Variants in DCDC1 observed in about 807,000 individuals in gnomAD.
DCDC1 encodes the protein doublecortin domain containing 1.
Under a neutral mutation model 178.3 loss-of-function variants are expected in DCDC1, and 200 were observed. The observed-to-expected ratio is 1.12, with a 90% CI of 1.00 to 1.26. The LOEUF is 1.26. DCDC1 is among the 50% of genes most tolerant of loss of function. The pLI is 0.00. For missense variants in DCDC1, 1,983 were observed against 1,749.2 expected (o/e 1.13, Z -2.38); for synonymous variants, 690 against 604.8 (o/e 1.14, Z -2.07).
intron 20 of DCDC1, among the ~76,000 whole-genome samples, chr11:30,988,704 C>T (rs1950799197): frequency 6.6e-6 from 1 of 152,080 alleles, no homozygotes; most frequent in Non-Finnish European, 1.5e-5. Flanking sequence ...CTAATGATAG[C>T]TGATAACTGA....
chr11:31,359,138 T>C (rs1951561776), intron 1 of DCDC1, among the ~76,000 whole-genome samples: 1 of 152,172 alleles, frequency 6.6e-6, no homozygotes, highest in African/African-American at 2.4e-5. Context: ...CGCACACGTA[T>C]GTTTATTGTG....
chr11:31,268,457 A>G (rs1486095627), intron 7 of DCDC1, among the ~76,000 whole-genome samples: 1 of 152,182 alleles, frequency 6.6e-6, no homozygotes, highest in Non-Finnish European at 1.5e-5. Context: ...CCCACTTATA[A>G]GTGAGAACAT....
intron 4 of DCDC1, 128 bp downstream of exon 4, chr11:31,307,507 AAAAC>A: frequency 7.8e-7 from 1 of 1,284,608 alleles, no homozygotes; most frequent in South Asian, 1.5e-5. Context: ...GAAAAAAACA[AAAAC>A]AAAAACAAAA....
chr11:31,193,870 AC>A, intron 9 of DCDC1, among the ~76,000 whole-genome samples: 1 of 152,220 alleles, frequency 6.6e-6, no homozygotes, highest in Non-Finnish European at 1.5e-5. Flanking sequence ...TGGTTCCAGA[AC>A]AAAGAAAAAT....
chr11:30,880,177 G>A (rs186712239), intron 37 of DCDC1, among the ~76,000 whole-genome samples: 2 of 152,238 alleles, frequency 1.3e-5, no homozygotes, highest in East Asian at 1.9e-4. Flanking sequence ...CCCATGTAGT[G>A]AGGGTCACCA....
At chr11:30,873,678 A>G (rs1004698019) in intron 38 of DCDC1, among the ~76,000 whole-genome samples, 1 of 152,176 alleles carries the variant, frequency 6.6e-6, no homozygotes, top group Non-Finnish European at 1.5e-5. Flanking sequence ...AGAGATGTTC[A>G]AGTAGCTCCT....
At chr11:30,909,474 A>G (rs1945297035) in intron 28 of DCDC1, among the ~76,000 whole-genome samples, 1 of 152,126 alleles carries the variant, frequency 6.6e-6, no homozygotes, top group Non-Finnish European at 1.5e-5. Context: ...CTTTCTCAAA[A>G]TTTCTCTAAA....
chr11:31,026,883 C>A (rs575766958), intron 20 of DCDC1, among the ~76,000 whole-genome samples: 1 of 151,794 alleles, frequency 6.6e-6, no homozygotes, highest in African/African-American at 2.4e-5. Flanking sequence ...TACTTTGTTA[C>A]TATGTTCAGT....
chr11:31,046,866 A>G (rs1954875658), intron 20 of DCDC1, among the ~76,000 whole-genome samples: 1 of 152,126 alleles, frequency 6.6e-6, no homozygotes, highest in Non-Finnish European at 1.5e-5. Context: ...AAAACTTTAC[A>G]CGTTTATGCA....
At chr11:31,269,779 C>G (rs1230052055) in intron 7 of DCDC1, among the ~76,000 whole-genome samples, 1 of 152,108 alleles carries the variant, frequency 6.6e-6, no homozygotes, top group African/African-American at 2.4e-5. Context: ...TGAAAAGCAC[C>G]TGGGAAAAAA....
At chr11:30,989,157 A>G (rs751084767) in intron 20 of DCDC1, among the ~76,000 whole-genome samples, 10 of 152,182 alleles carry the variant, frequency 6.6e-5, no homozygotes, top group Non-Finnish European at 1.0e-4. Context: ...AAGAGATTGA[A>G]AAGGAGTGTT....
At chr11:31,064,997 G>C (rs748987090) in intron 19 of DCDC1, 22 bp downstream of exon 19, 4 of 716,412 alleles carry the variant, frequency 5.6e-6, no homozygotes, top group Non-Finnish European at 1.0e-5. Flanking sequence ...TTTCTGTCTT[G>C]CCTCTGGCTC....
At chr11:31,250,820 T>C (rs957346666) in intron 8 of DCDC1, among the ~76,000 whole-genome samples, 1 of 151,716 alleles carries the variant, frequency 6.6e-6, no homozygotes, top group Non-Finnish European at 1.5e-5. Context: ...AGTGGCGTGA[T>C]CTCGGTTCAC....
At chr11:31,273,696 T>A (rs1211742399) in intron 7 of DCDC1, among the ~76,000 whole-genome samples, 1 of 152,302 alleles carries the variant, frequency 6.6e-6, no homozygotes, top group Non-Finnish European at 1.5e-5. Context: ...TTTTCAGGTA[T>A]CTACAGCAGC....
intron 20 of DCDC1, among the ~76,000 whole-genome samples, chr11:31,011,909 A>T (rs1412984436): frequency 1.3e-5 from 2 of 152,214 alleles, no homozygotes; most frequent in East Asian, 1.9e-4. Context: ...CCCAAATCTT[A>T]TGTCGAATTG....
intron 8 of DCDC1, among the ~76,000 whole-genome samples, chr11:31,253,814 T>G (rs1944233137): frequency 6.6e-6 from 1 of 152,160 alleles, no homozygotes; most frequent in Admixed American, 6.5e-5. Flanking sequence ...GATAATACAG[T>G]GTATTCCATT....
intron 9 of DCDC1, among the ~76,000 whole-genome samples, chr11:31,207,636 T>C (rs1972020326): frequency 6.6e-6 from 1 of 152,212 alleles, no homozygotes; most frequent in Non-Finnish European, 1.5e-5. Flanking sequence ...TTTATCTGAT[T>C]ATTCATATTT....
intron 20 of DCDC1, among the ~76,000 whole-genome samples, chr11:31,024,057 C>T (rs1312155071): frequency 6.6e-6 from 1 of 151,752 alleles, no homozygotes; most frequent in Admixed American, 6.6e-5. Flanking sequence ...CTTAGGAGCA[C>T]AAAGGTACAT....
intron 20 of DCDC1, among the ~76,000 whole-genome samples, chr11:31,006,107 T>A (rs917740284): frequency 6.6e-6 from 1 of 152,094 alleles, no homozygotes; most frequent in African/African-American, 2.4e-5. Context: ...CACTAATATA[T>A]CCATTATCAG....
Sources: gnomAD v4.1 joint callset for allele counts (sites outside exome capture counted in the v4.1 genomes callset) on GRCh38, gnomAD v4.1.1 for gene constraint, MANE v1.5 for transcripts, NCBI Gene and HGNC (gene_info 2026-07-23, HGNC 2026-07-21) for gene names.